The following ARHGEF26 variants were observed in gnomAD, a reference collection of about 807,000 sequenced individuals.
The protein encoded by ARHGEF26 is Rho guanine nucleotide exchange factor 26, also known as Rho guanine nucleotide exchange factor (GEF) 26.
A neutral mutation model predicts 89.4 loss-of-function variants in ARHGEF26; 59 were observed. The observed-to-expected ratio is 0.66, with a 90% confidence interval of 0.54 to 0.82. The LOEUF is 0.82. Ranked by LOEUF, ARHGEF26 falls within the 40% of genes least tolerant of loss-of-function variation. ARHGEF26 has a pLI of 0.00. For synonymous variants in ARHGEF26, 500 were observed against 428.4 expected (o/e 1.17, Z -2.06); for missense variants, 1,234 against 1,085.6 (o/e 1.14, Z -1.92).
chr3:154,228,462 T>C (rs1194638834), intron 11 of ARHGEF26, among the ~76,000 whole-genome samples: 1 of 151,812 alleles, frequency 6.6e-6, no homozygotes, highest in East Asian at 1.9e-4. Flanking sequence ...TTTTCTTTTT[T>C]TTCTTTTTCT....
chr3:154,214,083 G>A (rs1164706224), intron 9 of ARHGEF26, among the ~76,000 whole-genome samples: 1 of 152,150 alleles, frequency 6.6e-6, no homozygotes. Context: ...GCAAAAGAGG[G>A]AAGGTGGGAC....
intron 6 of ARHGEF26, among the ~76,000 whole-genome samples, chr3:154,171,066 GTGT>G (rs1157261485): frequency 4.6e-5 from 7 of 152,170 alleles, no homozygotes; most frequent in Admixed American, 6.5e-5. Context: ...GCATAATTGT[GTGT>G]TGTTTCCTTA....
intron 12 of ARHGEF26, among the ~76,000 whole-genome samples, chr3:154,249,435 T>C (rs1378960969): frequency 4.6e-5 from 7 of 152,244 alleles, no homozygotes; most frequent in Non-Finnish European, 1.0e-4. Context: ...ATGCCATGCA[T>C]GGAGAACTTG....
intron 8 of ARHGEF26, among the ~76,000 whole-genome samples, chr3:154,193,998 C>A (rs1206579828): frequency 6.6e-6 from 1 of 152,026 alleles, no homozygotes; most frequent in Non-Finnish European, 1.5e-5. Flanking sequence ...CCATGCCTGG[C>A]TAATTTTCTT....
chr3:154,182,316 T>C (rs1467079199), intron 6 of ARHGEF26, among the ~76,000 whole-genome samples: 1 of 151,990 alleles, frequency 6.6e-6, no homozygotes, highest in African/African-American at 2.4e-5. Flanking sequence ...ATCTGATGCA[T>C]GAAGGATGAG....
intron 12 of ARHGEF26, among the ~76,000 whole-genome samples, chr3:154,250,779 G>A (rs932327997): frequency 2.6e-5 from 4 of 152,170 alleles, no homozygotes; most frequent in Admixed American, 6.5e-5. Flanking sequence ...CTATTCATGA[G>A]GTATTTTGTT....
intron 6 of ARHGEF26, among the ~76,000 whole-genome samples, chr3:154,170,939 G>A (rs915771602): frequency 6.6e-6 from 1 of 152,160 alleles, no homozygotes; most frequent in African/African-American, 2.4e-5. Context: ...TACCTGTTGG[G>A]ACGATTGATT....
chr3:154,168,150 AT>A (rs1442226374), intron 6 of ARHGEF26, among the ~76,000 whole-genome samples: 5 of 152,198 alleles, frequency 3.3e-5, no homozygotes, highest in African/African-American at 1.2e-4. Flanking sequence ...CCATTCTGTA[AT>A]TTACAGATAG....
At chr3:154,234,353 G>A (rs1716984573) in intron 11 of ARHGEF26, among the ~76,000 whole-genome samples, 1 of 152,156 alleles carries the variant, frequency 6.6e-6, no homozygotes, top group Non-Finnish European at 1.5e-5. Flanking sequence ...GGATTAAGAT[G>A]AGAACTTGCC....
chr3:154,124,406 T>G lies in ARHGEF26; in HGVS notation c.1084-4T>G. ...TTTTTTTTTTACTTTTTTTTGTCTC[T>G]TAGAAAAAAATGCTGAAAGGACAAG... On this transcript the variant is annotated splice_region_variant and splice_polypyrimidine_tract_variant and intron_variant, in intron 2 of 14. Transcript: ENST00000465093. The G allele has an allele frequency of 6.7e-7, 1 of 1,488,202 alleles. No homozygotes were observed. The allele number at this position is 1,488,202 out of a possible 1,614,324, so 92.2% of individuals were successfully genotyped here. A position where few individuals can be genotyped will look rare whatever the true frequency, so the allele number is the denominator to read the frequency against.
intron 8 of ARHGEF26, among the ~76,000 whole-genome samples, chr3:154,193,798 A>G (rs2108192303): frequency 6.6e-6 from 1 of 152,110 alleles, no homozygotes; most frequent in Admixed American, 6.5e-5. Flanking sequence ...AAATATATCA[A>G]CAGAAAACCT....
intron 12 of ARHGEF26, among the ~76,000 whole-genome samples, chr3:154,246,838 A>G (rs1221222184): frequency 1.3e-5 from 2 of 152,218 alleles, no homozygotes; most frequent in South Asian, 2.1e-4. Context: ...AGTAAGTGGA[A>G]GAGAGGAATC....
rs140811666 is a variant in ARHGEF26, at chr3:154,166,023, C to T, written c.1487+13091C>T. 9.9e-5 allele frequency among the ~76,000 whole-genome samples: 15 copies of T among 152,162 alleles called. No homozygotes were observed. In the East Asian group the frequency reaches 2.5e-3, roughly 25 times the overall value. On this transcript the variant is annotated intron_variant, in intron 6 of 14. Transcript: ENST00000465093. Reference sequence around the variant, plus strand: ...AAAAATCTAGCTGTACATGTTGCTACAGTATTTATTTATATCTATTTTTAT... The same window carrying T: ...AAAAATCTAGCTGTACATGTTGCTATAGTATTTATTTATATCTATTTTTAT...
In ARHGEF26 at chr3:154,240,357, CT is replaced by C. The variant is rs1559921483; in HGVS notation, c.2091-10del. 2 of 1,578,850 alleles carry C rather than the reference CT, an allele frequency of 1.3e-6. No individual in the cohort carries two copies. The highest frequency in any genetic ancestry group is 1.7e-6 in the Non-Finnish European group (2 of 1,156,702). Reference sequence around the variant, plus strand: ...CTGAATAATTGACGTGTTCTTTTCCCTTTCCTTTACAGTGAAGAAAGTTACA... The same window carrying C: ...CTGAATAATTGACGTGTTCTTTTCCCTTCCTTTACAGTGAAGAAAGTTACA... On this transcript the variant is annotated splice_polypyrimidine_tract_variant and intron_variant, in intron 11 of 14. Coordinates refer to ENST00000465093, the MANE Select transcript of ARHGEF26 (RefSeq NM_015595.4).
chr3:154,166,253 T>C (rs922382866), intron 6 of ARHGEF26, among the ~76,000 whole-genome samples: 33 of 152,112 alleles, frequency 2.2e-4, no homozygotes, highest in Non-Finnish European at 3.5e-4. Context: ...GGTTTCACCA[T>C]GTTAGCCAGA....
chr3:154,175,635 C>T (rs996358647), intron 6 of ARHGEF26, among the ~76,000 whole-genome samples: 3 of 152,132 alleles, frequency 2.0e-5, no homozygotes, highest in Non-Finnish European at 2.9e-5. Context: ...CAAATTAGAA[C>T]CTACAAATGA....
At position 154,187,772 on chromosome 3, in the gene ARHGEF26, A is replaced by G. The variant is rs1388713695; in HGVS notation, c.1575A>G (p.Thr525=). 1 of 1,612,284 alleles carries G rather than the reference A, an allele frequency of 6.2e-7. No individual in the cohort carries two copies. Among genetic ancestry groups the G allele is most frequent in the Admixed American group, 1.7e-5 (1 of 59,874 alleles). The change falls in exon 7 of 15, where the codon ACA becomes ACG. Residue 525 remains threonine (T), a synonymous_variant. Coordinates refer to ENST00000465093, the MANE Select transcript of ARHGEF26 (RefSeq NM_015595.4). ...TTGTGGAAAAACACACAGCATCCAC[A>G]TTTGACCCATATGTGAAATACTGCA... ...SDIVEKHTAS[T]FDPYVKYCTN...
At chr3:154,149,570 A>C in intron 5 of ARHGEF26, 125 bp downstream of exon 5, 1 of 802,160 alleles carries the variant, frequency 1.2e-6, no homozygotes, top group South Asian at 3.5e-5. Context: ...TTTGTTTAAC[A>C]AAAGCAGTAA....
intron 10 of ARHGEF26, among the ~76,000 whole-genome samples, chr3:154,220,836 A>C (rs936182489): frequency 1.3e-5 from 2 of 152,172 alleles, no homozygotes; most frequent in African/African-American, 4.8e-5. Flanking sequence ...ATTTTTAAAA[A>C]ATTTCTCTAT....
Sources: gnomAD v4.1 joint callset for allele counts (sites outside exome capture counted in the v4.1 genomes callset) on GRCh38, gnomAD v4.1.1 for gene constraint, MANE v1.5 for transcripts, NCBI Gene and HGNC (gene_info 2026-07-23, HGNC 2026-07-21) for gene names.